ANKRD18A: variants seen among roughly 807,000 people sequenced by gnomAD.
ANKRD18A encodes ankyrin repeat domain 18A.
ANKRD18A carries 72 observed loss-of-function variants against 110.6 expected under a neutral mutation model. That is an observed-to-expected ratio of 0.65 (90% CI 0.54 to 0.79). ANKRD18A has a LOEUF of 0.79. Ranked by LOEUF, ANKRD18A falls within the 30% of genes least tolerant of loss-of-function variation. The pLI, the probability that ANKRD18A is intolerant of heterozygous loss-of-function variation, is 0.00. For synonymous variants in ANKRD18A, 305 were observed against 410.3 expected, an observed-to-expected ratio of 0.74 and a Z score of 3.10; for missense variants, 934 against 1,163.3, an observed-to-expected ratio of 0.80 and a Z score of 2.87.
Position 38,577,925 on chromosome 9 carries a change from G to A in ANKRD18A, c.2471C>T (p.Ser824Leu), listed in dbSNP as rs758919038. ...VELGKLQEYK[S>L]ELDERAVQEI... Reference sequence around the variant, plus strand: ...CTGCACTGCCCTTTCATCCAGCTCCGATTTATATTCTTGTAGTTTACCAAG... The same window carrying A: ...CTGCACTGCCCTTTCATCCAGCTCCAATTTATATTCTTGTAGTTTACCAAG... Residue 824 changes from serine (S) to leucine (L), a missense_variant, in exon 13 of 16, where the codon TCG becomes TTG. Ser to Leu is a moderately radical substitution (Grantham distance 145). Around this residue, in one of 4 missense-constraint regions of ANKRD18A, gnomAD observed 223 missense variants for 226.7 expected, o/e 0.98. Transcript: ENST00000399703. 47 of 1,596,386 alleles carry A rather than the reference G, an allele frequency of 2.9e-5. No individual in the cohort carries two copies. The highest frequency in any genetic ancestry group is 4.1e-5 in the African/African-American group (3 of 73,998).
chr9:38,566,949 G>T (rs964777323), downstream of ANKRD18A: 6 of 152,132 alleles, frequency 3.9e-5, no homozygotes, highest in African/African-American at 1.4e-4. Context: ...CACCTTCAAC[G>T]TTAGGAAATA....
At chr9:38,577,733 T>C (rs1823962614) in intron 13 of ANKRD18A, 134 bp downstream of exon 13, 1 of 1,037,666 alleles carries the variant, frequency 9.6e-7, no homozygotes, top group Non-Finnish European at 1.3e-6. Flanking sequence ...AGTCACTTTT[T>C]TTCTAGAACT....
rs1441162839 is a variant in ANKRD18A, at chr9:38,593,908, A to C, written c.1856T>G (p.Val619Gly). ...QCEKEKAEREVIVREFQEELV... is the reference protein window; with the variant it reads ...QCEKEKAEREGIVREFQEELV... ...TTCTTCTTGAAATTCTCTCACAATCACCTGACAAAATATTTTTGTTACCAA... is the reference window on the plus strand; with the variant it reads ...TTCTTCTTGAAATTCTCTCACAATCCCCTGACAAAATATTTTTGTTACCAA... The change falls in exon 10 of 16, where the codon GTG (valine) becomes GGG (glycine). Residue 619 changes from valine (V) to glycine (G), a missense_variant and splice_region_variant. Around this residue, in one of 4 missense-constraint regions of ANKRD18A, gnomAD observed 630 missense variants for 797.5 expected, o/e 0.79. Transcript: ENST00000399703. 1 of 1,467,150 alleles carries C rather than the reference A, an allele frequency of 6.8e-7. No homozygotes were observed. Among genetic ancestry groups the C allele is most frequent in the Non-Finnish European group, 9.0e-7 (1 of 1,111,250 alleles). 90.9% of individuals were successfully genotyped at this position (1,467,150 alleles called of 1,614,324 possible).
chr9:38,619,466 T>C lies in ANKRD18A; in HGVS notation c.206+614A>G, dbSNP rs1269970702. Among the ~76,000 whole-genome samples, 4 of 152,238 alleles carry C rather than the reference T, an allele frequency of 2.6e-5. No homozygotes were observed. The South Asian group carries it at 8.3e-4, about 31-fold the overall frequency. On this transcript the variant is annotated intron_variant, in intron 1 of 15. Transcript: ENST00000399703. ...GTAAATAATTAATTGTGGGAATTAA[T>C]AGCACATTTTGATATCTAGAGGAGC...
chr9:38,576,173 T>C (rs547077170), intron 14 of ANKRD18A, among the ~76,000 whole-genome samples: 28 of 152,248 alleles, frequency 1.8e-4, no homozygotes, highest in Non-Finnish European at 3.4e-4. Flanking sequence ...AAAACTAAAA[T>C]GAACAAAAAT....
rs187496125 is a variant in ANKRD18A at position 38,579,800 on chromosome 9, G to A, written c.2248-1652C>T. Among the ~76,000 whole-genome samples, 335 of 152,230 alleles carry A rather than the reference G, an allele frequency of 2.2e-3. 4 individuals are homozygous for A. Among genetic ancestry groups the A allele is most frequent in the Non-Finnish European group, 5.3e-4 (36 of 68,008 alleles). Reference sequence around the variant, plus strand: ...TCAAAAAATGAACAATGCAACTGCCGAGGGATCCAGCAACCCCACTACTGG... The same window carrying A: ...TCAAAAAATGAACAATGCAACTGCCAAGGGATCCAGCAACCCCACTACTGG... On this transcript the variant is annotated intron_variant, in intron 12 of 15. Coordinates refer to ENST00000399703, the MANE Select transcript of ANKRD18A (RefSeq NM_147195.4).
chr9:38,598,492 TATA>T (rs892630487), intron 8 of ANKRD18A, among the ~76,000 whole-genome samples: 3 of 152,226 alleles, frequency 2.0e-5, no homozygotes, highest in Admixed American at 2.0e-4. Context: ...TCAGATAACT[TATA>T]ATAAGAGAAG....
intron 12 of ANKRD18A, among the ~76,000 whole-genome samples, chr9:38,585,977 GAA>G (rs1824362329): frequency 6.6e-6 from 1 of 152,126 alleles, no homozygotes; most frequent in Non-Finnish European, 1.5e-5. Flanking sequence ...TGGACTCAGG[GAA>G]GGGAACAACA....
rs200593251 is a variant in ANKRD18A, at chr9:38,620,369, TCCGCGATCTCCCCCGCAAC to T, written c.-103_-85del. On this transcript the variant is annotated 5_prime_UTR_variant, in exon 1 of 16. Transcript: ENST00000399703. ...CTTTCCACCCCCACTCCGCCCCAAA[TCCGCGATCTCCCCCGCAAC>T]CCGCGATCCCCCCCGCAACCCGCGA... is the stretch of plus-strand genomic sequence containing the variant. 0.31 allele frequency: 389,279 copies of T among 1,275,460 alleles called. 64,561 individuals carry two copies. Among genetic ancestry groups the T allele is most frequent in the East Asian group, 0.44 (16,583 of 37,358 alleles). 79.0% of individuals were successfully genotyped at this position (1,275,460 alleles called of 1,614,324 possible).
chr9:38,594,876 C>G (rs1488174107), intron 9 of ANKRD18A, among the ~76,000 whole-genome samples: 1 of 152,140 alleles, frequency 6.6e-6, no homozygotes, highest in African/African-American at 2.4e-5. Flanking sequence ...TCATTATGCT[C>G]TTAAAATGCG....
chr9:38,570,538 T>G (rs1823600669), downstream of ANKRD18A, among the ~76,000 whole-genome samples: 1 of 152,184 alleles, frequency 6.6e-6, no homozygotes, highest in South Asian at 2.1e-4. Flanking sequence ...AGATACCCAC[T>G]GGGTGAGGCC....
chr9:38,603,217 C>T lies in ANKRD18A; in HGVS notation c.809-5G>A, dbSNP rs766541593. 12 of 1,550,780 alleles carry T rather than the reference C, an allele frequency of 7.7e-6. No homozygotes were observed. The highest frequency in any genetic ancestry group is 1.7e-4 in the Middle Eastern group (1 of 6,000). ...CAGGCTTCATAGCTGCTGTTTCTGT[C>T]AAACATGCAAACTTGTTAGATATTC... On this transcript the variant is annotated splice_region_variant and splice_polypyrimidine_tract_variant and intron_variant, in intron 6 of 15. Transcript: ENST00000399703.
chr9:38,588,320 T>G (rs1824474211), intron 11 of ANKRD18A, among the ~76,000 whole-genome samples: 1 of 152,172 alleles, frequency 6.6e-6, no homozygotes, highest in African/African-American at 2.4e-5. Context: ...GTTTTTATAC[T>G]GAAATTTGAT....
chr9:38,583,721 G>C (rs1186742565), intron 12 of ANKRD18A, among the ~76,000 whole-genome samples: 1 of 152,110 alleles, frequency 6.6e-6, no homozygotes, highest in Non-Finnish European at 1.5e-5. Flanking sequence ...TCAAAAAGTG[G>C]AAAGAACCCA....
chr9:38,591,729 T>C (rs1377259950), intron 10 of ANKRD18A, among the ~76,000 whole-genome samples: 7 of 152,186 alleles, frequency 4.6e-5, no homozygotes, highest in Non-Finnish European at 8.8e-5. Context: ...ATTTATAGCT[T>C]ACTCTTCTCT....
At chr9:38,619,591 T>TGGGGA (rs1454170227) in intron 1 of ANKRD18A, among the ~76,000 whole-genome samples, 3 of 152,218 alleles carry the variant, frequency 2.0e-5, no homozygotes, top group African/African-American at 7.2e-5. Context: ...ATATCTTCAT[T>TGGGGA]CAGTTTATGT....
At chr9:38,606,669 A>G (rs1303442858) in intron 6 of ANKRD18A, among the ~76,000 whole-genome samples, 2 of 152,180 alleles carry the variant, frequency 1.3e-5, no homozygotes, top group Non-Finnish European at 2.9e-5. Context: ...TCAACTCCAC[A>G]GGGATCACAG....
rs909134236 is a variant in ANKRD18A, at chr9:38,615,843, A to G, written c.322-76T>C. 3.9e-6 allele frequency: 6 copies of G among 1,528,952 alleles called. No homozygotes were observed. In the African/African-American group the frequency reaches 8.4e-5, roughly 21 times the overall value. The allele number at this position is 1,528,952 out of a possible 1,614,324, so 94.7% of individuals were successfully genotyped here. Reference sequence around the variant, plus strand: ...ACATATTCCACAGGTTTCACCAACTAGCTATATTTAAATGAGACAAATTCA... The same window carrying G: ...ACATATTCCACAGGTTTCACCAACTGGCTATATTTAAATGAGACAAATTCA... On this transcript the variant is annotated intron_variant, in intron 2 of 15. Coordinates refer to ENST00000399703, the MANE Select transcript of ANKRD18A (RefSeq NM_147195.4).
chr9:38,618,349 T>C (rs545252036), intron 1 of ANKRD18A, among the ~76,000 whole-genome samples: 17 of 152,320 alleles, frequency 1.1e-4, no homozygotes, highest in African/African-American at 4.1e-4. Flanking sequence ...TATGTTTGTG[T>C]GTATGTGCAA....
Sources: gnomAD v4.1 joint callset for allele counts (sites outside exome capture counted in the v4.1 genomes callset) on GRCh38, gnomAD v4.1.1 for gene constraint, gnomAD v4.1.1 regional missense constraint, MANE v1.5 for transcripts, NCBI Gene and HGNC (gene_info 2026-07-23, HGNC 2026-07-21) for gene names.